The following PTPN13 variants were observed in gnomAD, a reference collection of about 807,000 sequenced individuals.
PTPN13 encodes tyrosine-protein phosphatase non-receptor type 13.
PTPN13 carries 191 observed loss-of-function variants against 284.0 expected under a neutral mutation model. The observed-to-expected ratio is 0.67, with a 90% CI of 0.60 to 0.76. The LOEUF (loss-of-function observed/expected upper bound fraction) is 0.76, where lower values mean the gene tolerates loss of function less well. Among genes scored for constraint, PTPN13 ranks in the 30% least tolerant of loss-of-function variants. The pLI is 0.00. For missense variants in PTPN13, 2,797 were observed against 2,939.9 expected (o/e 0.95, Z 1.12); for synonymous variants, 986 against 1,022.3 (o/e 0.96, Z 0.68).
intron 2 of PTPN13, among the ~76,000 whole-genome samples, chr4:86,670,825 A>G (rs1232082146): frequency 6.6e-6 from 1 of 152,234 alleles, no homozygotes; most frequent in Non-Finnish European, 1.5e-5. Context: ...GAAATAACTA[A>G]GAGGCGGCTT....
chr4:86,778,443 G>A (rs1322444600), intron 35 of PTPN13, among the ~76,000 whole-genome samples: 1 of 152,032 alleles, frequency 6.6e-6, no homozygotes, highest in East Asian at 1.9e-4. Context: ...TGATGTATGT[G>A]ACGCACCTCC....
intron 10 of PTPN13, among the ~76,000 whole-genome samples, chr4:86,730,096 C>T (rs1305945677): frequency 1.3e-5 from 2 of 149,756 alleles, no homozygotes; most frequent in Admixed American, 1.3e-4. Context: ...AGCTGCAGGT[C>T]TGTTGGAGTT....
chr4:86,668,007 A>T (rs1286287271), intron 2 of PTPN13, among the ~76,000 whole-genome samples: 2 of 152,218 alleles, frequency 1.3e-5, no homozygotes, highest in African/African-American at 4.8e-5. Context: ...TCTTAGTTTA[A>T]AAGAACATTG....
intron 2 of PTPN13, among the ~76,000 whole-genome samples, chr4:86,662,435 G>T (rs918904124): frequency 6.6e-6 from 1 of 152,078 alleles, no homozygotes; most frequent in Admixed American, 6.6e-5. Context: ...AAGTTCAAGT[G>T]ATTCTCCTGC....
intron 1 of PTPN13, among the ~76,000 whole-genome samples, chr4:86,600,794 A>C (rs1470168832): frequency 6.6e-6 from 1 of 152,010 alleles, no homozygotes; most frequent in Non-Finnish European, 1.5e-5. Context: ...TAAACATTTA[A>C]ATTATTTAGG....
chr4:86,614,671 A>G (rs1720339197), intron 1 of PTPN13, among the ~76,000 whole-genome samples: 1 of 152,152 alleles, frequency 6.6e-6, no homozygotes, highest in South Asian at 2.1e-4. Flanking sequence ...ATGGACTAAA[A>G]CAAAACAGTC....
At chr4:86,697,914 A>G (rs1283810951) in intron 6 of PTPN13, among the ~76,000 whole-genome samples, 1 of 152,198 alleles carries the variant, frequency 6.6e-6, no homozygotes, top group Non-Finnish European at 1.5e-5. Flanking sequence ...AAATTTAACT[A>G]AAATAAATGG....
At chr4:86,735,193 C>A (rs980187849) in intron 14 of PTPN13, among the ~76,000 whole-genome samples, 8 of 152,154 alleles carry the variant, frequency 5.3e-5, no homozygotes, top group African/African-American at 1.9e-4. Flanking sequence ...GGATCTCCTG[C>A]CTTCCACATG....
rs114191555 is a variant in PTPN13 at position 86,814,903 on chromosome 4, A to G, written c.*352A>G. ...AGCAAAAATGTTTTCCAATATTTTAATAAAGTAGTTATTTTATAGGGGATA... is the reference window on the plus strand; with the variant it reads ...AGCAAAAATGTTTTCCAATATTTTAGTAAAGTAGTTATTTTATAGGGGATA... On this transcript the variant is annotated 3_prime_UTR_variant, in exon 48 of 48. Transcript: ENST00000411767. 3.0e-3 allele frequency: 512 copies of G among 171,010 alleles called. 7 individuals are homozygous for G. The highest frequency in any genetic ancestry group is 0.011 in the African/African-American group (483 of 42,292). The allele number at this position is 171,010 out of a possible 1,614,324, so 10.6% of individuals were successfully genotyped here.
intron 4 of PTPN13, 79 bp from the exon 5 acceptor site, chr4:86,688,926 G>T: frequency 1.7e-6 from 2 of 1,165,970 alleles, no homozygotes; most frequent in South Asian, 3.0e-5. Context: ...TGGTTCCTGT[G>T]ATTCCTAGAA....
At position 86,732,782 on chromosome 4, in the gene PTPN13, A is replaced by C. The variant is rs1053084102; in HGVS notation, c.1858+16A>C. ...ACCCTCAAAGGTACCAAGACATTTT[A>C]TATTCAGAGTACAGTATAGAAATTT... On this transcript the variant is annotated intron_variant, in intron 12 of 47. Coordinates refer to ENST00000411767, the MANE Select transcript of PTPN13 (RefSeq NM_080683.3). The C allele has an allele frequency of 6.2e-7, 1 of 1,607,008 alleles. No homozygotes were observed. Among genetic ancestry groups the C allele is most frequent in the Non-Finnish European group, 8.5e-7 (1 of 1,175,224 alleles).
Position 86,775,471 on chromosome 4 carries a change from C to T in PTPN13, c.5710C>T (p.Leu1904Phe). Residue 1904 changes from leucine (L) to phenylalanine (F), a missense_variant, in exon 35 of 48, where the codon CTT (leucine) becomes TTT (phenylalanine). Coordinates refer to ENST00000411767, the MANE Select transcript of PTPN13 (RefSeq NM_080683.3). ...TTCCTTATGTGGAGGTCATGACAGC[C>T]TTTATCAAGTGGTATATATTAGTGA... Reference protein sequence around the residue: ...GFSLCGGHDSLYQVVYISDIN... With the variant: ...GFSLCGGHDSFYQVVYISDIN... 2 of 1,608,996 alleles carry T rather than the reference C, an allele frequency of 1.2e-6. No individual in the cohort carries two copies. Among genetic ancestry groups the T allele is most frequent in the Non-Finnish European group, 8.5e-7 (1 of 1,175,528 alleles).
At chr4:86,741,143 C>T (rs1736125185) in intron 15 of PTPN13, among the ~76,000 whole-genome samples, 4 of 152,212 alleles carry the variant, frequency 2.6e-5, no homozygotes, top group Non-Finnish European at 5.9e-5. Flanking sequence ...TCAGCCTCTG[C>T]CTGTTACCCA....
intron 2 of PTPN13, among the ~76,000 whole-genome samples, chr4:86,655,649 A>C (rs556689678): frequency 2.7e-4 from 41 of 152,224 alleles, no homozygotes; most frequent in African/African-American, 9.9e-4. Flanking sequence ...GGGTAACCCG[A>C]CCTTTCTCTC....
chr4:86,635,249 C>T lies in PTPN13; in HGVS notation c.-5-3C>T, dbSNP rs1490586728. On this transcript the variant is annotated splice_polypyrimidine_tract_variant and splice_region_variant and intron_variant, in intron 1 of 47. Transcript: ENST00000411767. ...TAGACCATCTGTTACCTTTGTTTCC[C>T]AGGTAATATGCACGTGTCACTAGCT... 1.9e-6 allele frequency: 3 copies of T among 1,588,782 alleles called. No individual in the cohort carries two copies. The highest frequency in any genetic ancestry group is 3.6e-5 in the Admixed American group (2 of 56,062).
At chr4:86,666,302 G>A (rs1049375881) in intron 2 of PTPN13, among the ~76,000 whole-genome samples, 4 of 30,768 alleles carry the variant, frequency 1.3e-4, no homozygotes, top group East Asian at 9.8e-4. Context: ...CCCGAGGTTC[G>A]TAGACTTGCA....
intron 44 of PTPN13, 40 bp from the exon 45 acceptor site, chr4:86,807,520 A>C: frequency 6.9e-7 from 1 of 1,449,336 alleles, no homozygotes; most frequent in Non-Finnish European, 9.4e-7. Context: ...TTTAAAATGC[A>C]TGATATGGAT....
intron 37 of PTPN13, among the ~76,000 whole-genome samples, chr4:86,783,892 G>C (rs1380015581): frequency 6.6e-6 from 1 of 151,254 alleles, no homozygotes; most frequent in Non-Finnish European, 1.5e-5. Context: ...TTATTCTATT[G>C]TTATGAATTC....
intron 1 of PTPN13, among the ~76,000 whole-genome samples, chr4:86,614,783 C>T (rs1720350904): frequency 6.6e-6 from 1 of 152,116 alleles, no homozygotes; most frequent in African/African-American, 2.4e-5. Flanking sequence ...TAACCTCTAA[C>T]ATTAGACTGC....
Sources: allele counts gnomAD v4.1 joint callset (sites outside exome capture counted in the v4.1 genomes callset), GRCh38; gene constraint gnomAD v4.1.1; transcripts MANE v1.5; gene names NCBI Gene and HGNC (gene_info 2026-07-23, HGNC 2026-07-21).